FRMD6: variants seen among roughly 807,000 people sequenced by gnomAD.
The protein encoded by FRMD6 is FERM domain-containing protein 6.
A neutral mutation model predicts 73.2 loss-of-function variants in FRMD6; 37 were observed. The ratio of observed to expected loss-of-function variants is 0.51; its 90% CI spans 0.39 to 0.66. The LOEUF is 0.66. Ranked by LOEUF, FRMD6 falls within the 30% of genes least tolerant of loss-of-function variation. The probability of loss-of-function intolerance (pLI) is 0.00; values close to 1 mark genes in which losing one functional copy is unlikely to be tolerated. For synonymous variants in FRMD6, 273 were observed against 282.2 expected, an observed-to-expected ratio of 0.97 and a Z score of 0.33; for missense variants, 714 against 780.5, an observed-to-expected ratio of 0.91 and a Z score of 1.02.
chr14:51,672,023 T>C (rs557534294), intron 1 of FRMD6, among the ~76,000 whole-genome samples: 10 of 152,344 alleles, frequency 6.6e-5, no homozygotes, highest in African/African-American at 2.4e-4. Context: ...ATTGGAAATT[T>C]TAAAGAAATG....
the FRMD6 span, among the ~76,000 whole-genome samples, chr14:51,450,287 T>G: frequency 6.6e-6 from 1 of 152,152 alleles, no homozygotes; most frequent in East Asian, 1.9e-4. Context: ...TTCTTTGAGT[T>G]TCAAAAATTG....
intron 2 of FRMD6, among the ~76,000 whole-genome samples, chr14:51,695,906 T>C (rs372167375): frequency 6.6e-6 from 1 of 152,154 alleles, no homozygotes; most frequent in Non-Finnish European, 1.5e-5. Flanking sequence ...ACTTTCAAAT[T>C]TCAAGGGATC....
intron 2 of FRMD6, among the ~76,000 whole-genome samples, chr14:51,577,319 A>T (rs1030803364): frequency 2.0e-5 from 3 of 152,172 alleles, no homozygotes; most frequent in African/African-American, 7.2e-5. Flanking sequence ...TGGCACAGTC[A>T]GTAGCTCAGC....
rs1370224693 is a variant in FRMD6 at position 51,709,735 on chromosome 14, A to G, written c.714+1502A>G. On this transcript the variant is annotated intron_variant, in intron 7 of 13. Coordinates refer to ENST00000344768, the MANE Select transcript of FRMD6 (RefSeq NM_001267046.2). ...CCTCAATTGACACAAGAAAATGCAAATAAATGACAGTTTTGATAATTAGTT... is the reference window on the plus strand; with the variant it reads ...CCTCAATTGACACAAGAAAATGCAAGTAAATGACAGTTTTGATAATTAGTT... Among the ~76,000 whole-genome samples the G allele has an allele frequency of 3.3e-5, 5 of 152,336 alleles. No individual in the cohort carries two copies. The East Asian group carries it at 7.7e-4, about 24-fold the overall frequency.
At chr14:51,612,623 C>T (rs1241707616) in intron 2 of FRMD6, among the ~76,000 whole-genome samples, 3 of 152,176 alleles carry the variant, frequency 2.0e-5, no homozygotes, top group African/African-American at 4.8e-5. Context: ...CAGGCACTCA[C>T]TAAGTGATGA....
intron 2 of FRMD6, among the ~76,000 whole-genome samples, chr14:51,638,822 C>T (rs1215637746): frequency 1.3e-5 from 2 of 152,166 alleles, no homozygotes; most frequent in African/African-American, 4.8e-5. Context: ...CTATTGACTC[C>T]TTCTTGCCAA....
intron 2 of FRMD6, among the ~76,000 whole-genome samples, chr14:51,587,385 C>A (rs1889110633): frequency 1.3e-5 from 2 of 152,302 alleles, no homozygotes; most frequent in South Asian, 2.1e-4. Context: ...TTATTGAGGG[C>A]AGACCTTAAA....
chr14:51,460,831 AC>A, the FRMD6 span, among the ~76,000 whole-genome samples: 2 of 152,324 alleles, frequency 1.3e-5, no homozygotes, highest in South Asian at 4.1e-4. Context: ...GCATTTTAAA[AC>A]TGTGGTAATA....
At chr14:51,500,187 TG>T (rs1446445429) in intron 1 of FRMD6, among the ~76,000 whole-genome samples, 2 of 152,118 alleles carry the variant, frequency 1.3e-5, no homozygotes, top group Non-Finnish European at 2.9e-5. Context: ...TGGGAGATGA[TG>T]GGGGAAATGT....
chr14:51,715,216 T>G, intron 9 of FRMD6, 109 bp from the exon 10 acceptor site: 3 of 832,376 alleles, frequency 3.6e-6, no homozygotes, highest in Non-Finnish European at 5.3e-6. Flanking sequence ...TAAATGAAAC[T>G]TTATACATTT....
intron 5 of FRMD6, among the ~76,000 whole-genome samples, chr14:51,702,906 C>A (rs1473045267): frequency 6.6e-6 from 1 of 151,940 alleles, no homozygotes; most frequent in East Asian, 1.9e-4. Flanking sequence ...CAAAAAGATA[C>A]TTATTTCAAG....
At chr14:51,479,770 G>A in the FRMD6 span, among the ~76,000 whole-genome samples, 1 of 152,152 alleles carries the variant, frequency 6.6e-6, no homozygotes, top group Non-Finnish European at 1.5e-5. Flanking sequence ...AGGCTTTTGA[G>A]CAATGGGTAA....
At chr14:51,701,370 C>A in intron 4 of FRMD6, among the ~76,000 whole-genome samples, 2 of 139,730 alleles carry the variant, frequency 1.4e-5, no homozygotes, top group East Asian at 2.1e-4. Context: ...TCTATATATG[C>A]TGAGTATATA....
At chr14:51,721,753 A>G (rs12897916) in intron 11 of FRMD6, among the ~76,000 whole-genome samples, 196 bp from the exon 12 acceptor site, 1,150 of 108,210 alleles carry the variant, frequency 0.011, 23 homozygotes, top group African/African-American at 0.024. Flanking sequence ...GAAGGGAGGA[A>G]GGAAGGAGGG....
chr14:51,431,622 A>G, the FRMD6 span, among the ~76,000 whole-genome samples: 953 of 152,352 alleles, frequency 6.3e-3, 5 homozygotes, highest in Non-Finnish European at 0.011. Flanking sequence ...TCATAGATTT[A>G]GGTATACAGA....
At chr14:51,419,322 G>T in the FRMD6 span, among the ~76,000 whole-genome samples, 1 of 152,150 alleles carries the variant, frequency 6.6e-6, no homozygotes. Context: ...ACTAATTTTT[G>T]TATTTTTAAT....
intron 2 of FRMD6, among the ~76,000 whole-genome samples, chr14:51,573,710 C>G (rs1307160895): frequency 6.6e-6 from 1 of 152,142 alleles, no homozygotes; most frequent in African/African-American, 2.4e-5. Context: ...TCTCAAATCT[C>G]TATGTCCAAG....
At chr14:51,431,811 A>C in the FRMD6 span, among the ~76,000 whole-genome samples, 1 of 152,218 alleles carries the variant, frequency 6.6e-6, no homozygotes, top group Non-Finnish European at 1.5e-5. Context: ...ACTAACAAAT[A>C]GAGGTCATAT....
chr14:51,669,603 G>A (rs1159255870), intron 1 of FRMD6, among the ~76,000 whole-genome samples: 1 of 152,040 alleles, frequency 6.6e-6, no homozygotes, highest in East Asian at 1.9e-4. Context: ...TTTTCCTAAT[G>A]ACTAATAATG....
Sources: allele counts gnomAD v4.1 joint callset (sites outside exome capture counted in the v4.1 genomes callset), GRCh38; gene constraint gnomAD v4.1.1; transcripts MANE v1.5; gene names NCBI Gene and HGNC (gene_info 2026-07-23, HGNC 2026-07-21).